The following POLDIP3 variants were observed in gnomAD, a reference collection of about 807,000 sequenced individuals.
The protein encoded by POLDIP3 is DNA polymerase delta interacting protein 3.
Under a neutral mutation model 45.1 loss-of-function variants are expected in POLDIP3, and 14 were observed. That is an observed-to-expected ratio of 0.31 (90% CI 0.20 to 0.49). The LOEUF (loss-of-function observed/expected upper bound fraction) is 0.49, where lower values mean the gene tolerates loss of function less well. Ranked by LOEUF, POLDIP3 falls within the 20% of genes least tolerant of loss-of-function variation. The pLI, the probability that POLDIP3 is intolerant of heterozygous loss-of-function variation, is 0.99. For missense variants in POLDIP3, 511 were observed against 538.8 expected (o/e 0.95, Z 0.51); for synonymous variants, 223 against 205.2 (o/e 1.09, Z -0.74).
At chr22:42,601,339 C>T (rs1193526420) in intron 3 of POLDIP3, among the ~76,000 whole-genome samples, 2 of 149,726 alleles carry the variant, frequency 1.3e-5, no homozygotes, top group Admixed American at 6.7e-5. Flanking sequence ...ATAGCGAGAC[C>T]CCGTTCTCCA....
chr22:42,599,640 C>T (rs539793995), intron 4 of POLDIP3, 58 bp downstream of exon 4: 18 of 1,282,350 alleles, frequency 1.4e-5, no homozygotes, highest in African/African-American at 1.2e-4. Flanking sequence ...CTATTCAACA[C>T]GACCTCTCCC....
Position 42,585,937 on chromosome 22 carries a change from C to T in POLDIP3, c.1120G>A (p.Glu374Lys), listed in dbSNP as rs779226898. 60 of 1,613,194 alleles carry T rather than the reference C, an allele frequency of 3.7e-5. No homozygotes were observed. Among genetic ancestry groups the T allele is most frequent in the Non-Finnish European group, 4.7e-5 (56 of 1,179,738 alleles). ...TTCACCCTGCGAGGCAGCTCGCTCT[C>T]CTTTTTCATTGATGGGCTGTCACTC... ...RLSDSPSMKKESELPRRVNSA... is the reference protein window; with the variant it reads ...RLSDSPSMKKKSELPRRVNSA... The change falls in exon 9 of 9, where the codon GAG becomes AAG. Residue 374 changes from glutamate to lysine, a missense_variant. Coordinates refer to ENST00000252115, the MANE Select transcript of POLDIP3 (RefSeq NM_032311.5).
At chr22:42,611,019 G>A (rs1927086134) in intron 1 of POLDIP3, among the ~76,000 whole-genome samples, 1 of 152,234 alleles carries the variant, frequency 6.6e-6, no homozygotes, top group South Asian at 2.1e-4. Flanking sequence ...CACTGGAGAT[G>A]TGCTGTGGTG....
chr22:42,598,685 A>C (rs538058231), intron 4 of POLDIP3, among the ~76,000 whole-genome samples: 1 of 152,108 alleles, frequency 6.6e-6, no homozygotes, highest in African/African-American at 2.4e-5. Context: ...CACCTGGCCC[A>C]TATTTCTCTT....
intron 3 of POLDIP3, 58 bp downstream of exon 3, chr22:42,601,912 C>G: frequency 6.3e-7 from 1 of 1,576,830 alleles, no homozygotes; most frequent in Non-Finnish European, 8.7e-7. Flanking sequence ...ACGTGCACAC[C>G]TACATGTTCG....
At chr22:42,614,598 G>T (rs1344690206) in intron 1 of POLDIP3, among the ~76,000 whole-genome samples, 1 of 152,056 alleles carries the variant, frequency 6.6e-6, no homozygotes, top group Admixed American at 6.5e-5. Context: ...TCCCAGGGCC[G>T]CCAGAGGGAC....
chr22:42,599,365 A>T (rs1926200912), intron 4 of POLDIP3, among the ~76,000 whole-genome samples: 1 of 152,248 alleles, frequency 6.6e-6, no homozygotes, highest in Non-Finnish European at 1.5e-5. Flanking sequence ...GCACCTTGGG[A>T]GGCCGAGGCG....
intron 1 of POLDIP3, among the ~76,000 whole-genome samples, chr22:42,608,692 G>A (rs1416888559): frequency 6.6e-6 from 1 of 152,078 alleles, no homozygotes; most frequent in Non-Finnish European, 1.5e-5. Flanking sequence ...CTGAGAACTC[G>A]CATACCACAA....
intron 8 of POLDIP3, among the ~76,000 whole-genome samples, chr22:42,586,474 C>T (rs565611354): frequency 1.3e-5 from 2 of 152,254 alleles, no homozygotes; most frequent in East Asian, 3.9e-4. Context: ...ACTATAGGTG[C>T]ATGCCACCAC....
chr22:42,605,157 T>TTGC (rs1404888194), intron 1 of POLDIP3, among the ~76,000 whole-genome samples: 3 of 152,234 alleles, frequency 2.0e-5, no homozygotes, highest in Non-Finnish European at 4.4e-5. Context: ...AGATGGAGTC[T>TTGC]TGCTCTGTCA....
rs1569298565 is a variant in POLDIP3, at chr22:42,596,196, G to C, written c.803C>G (p.Pro268Arg). 3 of 1,614,110 alleles carry C rather than the reference G, an allele frequency of 1.9e-6. No homozygotes were observed. The highest frequency in any genetic ancestry group is 2.5e-6 in the Non-Finnish European group (3 of 1,180,022). ...CCACCATCACCTCACCTCAGCAGCTGGCAGCTCTTTGGGGGGTTCTTCCTT... is the reference window on the plus strand; with the variant it reads ...CCACCATCACCTCACCTCAGCAGCTCGCAGCTCTTTGGGGGGTTCTTCCTT... ...VNKEEPPKELPAAEPVLSPLE... is the reference protein window; with the variant it reads ...VNKEEPPKELRAAEPVLSPLE... The change falls in exon 5 of 9, where the codon CCA (proline) becomes CGA (arginine). Residue 268 changes from proline (P) to arginine (R), a missense_variant. This residue lies in a region of POLDIP3 where 378 missense variants were observed against 352.3 expected (regional missense o/e 1.07). Coordinates refer to ENST00000252115, the MANE Select transcript of POLDIP3 (RefSeq NM_032311.5).
At chr22:42,605,889 C>A (rs923981188) in intron 1 of POLDIP3, among the ~76,000 whole-genome samples, 1 of 152,192 alleles carries the variant, frequency 6.6e-6, no homozygotes, top group South Asian at 2.1e-4. Flanking sequence ...CACCTGTAAT[C>A]CCAGCACTTT....
At chr22:42,598,493 C>T (rs1330429953) in intron 4 of POLDIP3, among the ~76,000 whole-genome samples, 1 of 151,548 alleles carries the variant, frequency 6.6e-6, no homozygotes, top group African/African-American at 2.4e-5. Flanking sequence ...CTTCGTGATC[C>T]ACCCACCTCG....
chr22:42,594,098 G>A (rs573166434), intron 6 of POLDIP3, among the ~76,000 whole-genome samples: 2 of 151,952 alleles, frequency 1.3e-5, no homozygotes, highest in Admixed American at 6.6e-5. Context: ...CGTCTCTACT[G>A]AAAAATACAA....
chr22:42,607,893 G>A (rs1357375549), intron 1 of POLDIP3, among the ~76,000 whole-genome samples: 1 of 151,850 alleles, frequency 6.6e-6, no homozygotes, highest in East Asian at 1.9e-4. Context: ...TCTGGGAAGT[G>A]AGGAGCGTCT....
At position 42,595,534 on chromosome 22, in the gene POLDIP3, T is replaced by C. The variant is rs1925932177; in HGVS notation, c.891+3A>G. 1 of 1,613,372 alleles carries C rather than the reference T, an allele frequency of 6.2e-7. No homozygotes were observed. Among genetic ancestry groups the C allele is most frequent in the Non-Finnish European group, 8.5e-7 (1 of 1,179,310 alleles). ...TAAATGTTTGGTAGGTCACAGTACTTACAACAATGTCCTCCTCAGTGACTC... is the reference window on the plus strand; with the variant it reads ...TAAATGTTTGGTAGGTCACAGTACTCACAACAATGTCCTCCTCAGTGACTC... On this transcript the variant is annotated splice_donor_region_variant and intron_variant, in intron 6 of 8. Coordinates refer to ENST00000252115, the MANE Select transcript of POLDIP3 (RefSeq NM_032311.5).
In POLDIP3 at chr22:42,603,075, T is replaced by G; in HGVS notation, c.145A>C (p.Thr49Pro). ...CGGGCATCAAATCTCTGCTGGAAGG[T>G]GGCTGTGCGTGTTGACTGGCTGAGA... ...GLLSQSTRTA[T>P]FQQRFDARQK... The change falls in exon 2 of 9, where the codon ACC becomes CCC. Residue 49 changes from threonine to proline, a missense_variant. Physicochemically the swap from Thr to Pro is conservative, Grantham distance 38. Around this residue, in one of 4 missense-constraint regions of POLDIP3, gnomAD observed 378 missense variants for 352.3 expected, o/e 1.07. Coordinates refer to ENST00000252115, the MANE Select transcript of POLDIP3 (RefSeq NM_032311.5). 1 of 1,614,190 alleles carries G rather than the reference T, an allele frequency of 6.2e-7. No homozygotes were observed. The highest frequency in any genetic ancestry group is 8.5e-7 in the Non-Finnish European group (1 of 1,180,034).
At position 42,596,332 on chromosome 22, in the gene POLDIP3, T is replaced by C. The variant is rs752018107; in HGVS notation, c.667A>G (p.Lys223Glu). Residue 223 changes from lysine (K) to glutamate (E), a missense_variant, in exon 5 of 9, where the codon AAG becomes GAG. Physicochemically the swap from Lys to Glu is moderately conservative, Grantham distance 56. Around this residue, in one of 4 missense-constraint regions of POLDIP3, gnomAD observed 378 missense variants for 352.3 expected, o/e 1.07. Coordinates refer to ENST00000252115, the MANE Select transcript of POLDIP3 (RefSeq NM_032311.5). ...ACCACTTTGGTGAGAGGGAGGGCCT[T>C]GGACATGGAAAGCTTGGAACTGCTT... ...GLSSSKLSMSKALPLTKVVQN... is the reference protein window; with the variant it reads ...GLSSSKLSMSEALPLTKVVQN... 2 of 1,614,148 alleles carry C rather than the reference T, an allele frequency of 1.2e-6. No individual in the cohort carries two copies. Among genetic ancestry groups the C allele is most frequent in the Non-Finnish European group, 1.7e-6 (2 of 1,180,018 alleles).
chr22:42,594,608 C>T (rs899432076), intron 6 of POLDIP3, among the ~76,000 whole-genome samples: 2 of 152,228 alleles, frequency 1.3e-5, no homozygotes, highest in Non-Finnish European at 2.9e-5. Flanking sequence ...CTGGATTCTC[C>T]AAACGTATTC....
Sources: allele counts gnomAD v4.1 joint callset (sites outside exome capture counted in the v4.1 genomes callset), GRCh38; gene constraint gnomAD v4.1.1; regional missense constraint gnomAD v4.1.1; transcripts MANE v1.5; gene names NCBI Gene and HGNC (gene_info 2026-07-23, HGNC 2026-07-21).